Variants in SHISA6 observed in about 807,000 individuals in gnomAD.
The protein encoded by SHISA6 is protein shisa-6.
A neutral mutation model predicts 47.9 loss-of-function variants in SHISA6; 22 were observed. That is an observed-to-expected ratio of 0.46 (90% CI 0.33 to 0.66). The LOEUF (loss-of-function observed/expected upper bound fraction) is 0.66. SHISA6 is among the 30% of genes least tolerant of loss of function. The pLI, the probability that SHISA6 is intolerant of heterozygous loss-of-function variation, is 0.02. For missense variants in SHISA6, 680 were observed against 764.6 expected (o/e 0.89, Z 1.30); for synonymous variants, 388 against 337.8 (o/e 1.15, Z -1.63).
At chr17:11,257,677 A>G (rs1908070060) in intron 1 of SHISA6, among the ~76,000 whole-genome samples, 3 of 151,346 alleles carry the variant, frequency 2.0e-5, no homozygotes, top group Admixed American at 1.3e-4. Flanking sequence ...AAAAAAGAAA[A>G]AAAGAAAAGA....
intron 2 of SHISA6, among the ~76,000 whole-genome samples, chr17:11,303,751 A>G (rs1910008973): frequency 6.6e-6 from 1 of 152,192 alleles, no homozygotes; most frequent in African/African-American, 2.4e-5. Context: ...TCTGCCCTCA[A>G]TACCTGCAGC....
At chr17:11,277,276 T>TCA (rs1244934721) in intron 2 of SHISA6, among the ~76,000 whole-genome samples, 42 of 62,694 alleles carry the variant, frequency 6.7e-4, no homozygotes, top group African/African-American at 1.9e-3. Flanking sequence ...TCTCTCTCTC[T>TCA]CTCTCACACA....
At chr17:11,389,734 G>A (rs1443088810) in intron 3 of SHISA6, among the ~76,000 whole-genome samples, 1 of 152,102 alleles carries the variant, frequency 6.6e-6, no homozygotes, top group East Asian at 1.9e-4. Context: ...ATGACCCTTG[G>A]GCTAGTACAA....
intron 3 of SHISA6, among the ~76,000 whole-genome samples, chr17:11,437,300 G>T (rs181142863): frequency 6.6e-6 from 1 of 152,218 alleles, no homozygotes; most frequent in East Asian, 1.9e-4. Context: ...CTTTGGATGA[G>T]GACTGAGAGG....
chr17:11,366,174 A>G (rs1303295340), intron 2 of SHISA6, among the ~76,000 whole-genome samples: 1 of 152,142 alleles, frequency 6.6e-6, no homozygotes, highest in Non-Finnish European at 1.5e-5. Context: ...TTGAGACAAG[A>G]TCTCATTCTG....
chr17:11,456,931 C>T (rs1032167737), intron 3 of SHISA6, among the ~76,000 whole-genome samples: 8 of 152,198 alleles, frequency 5.3e-5, no homozygotes, highest in African/African-American at 1.9e-4. Context: ...GGGTCCTCAG[C>T]TCCTGTAGGC....
intron 2 of SHISA6, among the ~76,000 whole-genome samples, chr17:11,370,762 A>G (rs898887897): frequency 3.3e-5 from 5 of 152,256 alleles, no homozygotes; most frequent in Non-Finnish European, 4.4e-5. Context: ...TGAGAATGCC[A>G]CTACTCACCC....
intron 3 of SHISA6, among the ~76,000 whole-genome samples, chr17:11,491,574 G>T (rs2142338467): frequency 6.6e-6 from 1 of 152,138 alleles, no homozygotes; most frequent in South Asian, 2.1e-4. Context: ...AAGCATCTGT[G>T]GAAAGAATTT....
At chr17:11,276,730 T>C (rs1337890570) in intron 2 of SHISA6, among the ~76,000 whole-genome samples, 2 of 151,964 alleles carry the variant, frequency 1.3e-5, no homozygotes, top group South Asian at 2.1e-4. Context: ...TCACCACTGC[T>C]GTCAACACCA....
chr17:11,441,161 C>T (rs930430044), intron 3 of SHISA6, among the ~76,000 whole-genome samples: 1 of 152,194 alleles, frequency 6.6e-6, no homozygotes. Context: ...CTTCTGCTGT[C>T]AGGAAGCCAG....
intron 2 of SHISA6, among the ~76,000 whole-genome samples, chr17:11,352,654 C>T (rs747132911): frequency 2.6e-4 from 40 of 152,050 alleles, no homozygotes; most frequent in Admixed American, 1.2e-3. Context: ...AACGTTCCAG[C>T]GATGAAGGCA....
chr17:11,376,966 C>G (rs192784924), intron 2 of SHISA6, among the ~76,000 whole-genome samples: 39 of 152,322 alleles, frequency 2.6e-4, no homozygotes, highest in African/African-American at 8.2e-4. Flanking sequence ...AAAGCTGAAA[C>G]TGTCATTGTG....
At chr17:11,345,041 T>C (rs1469736665) in intron 2 of SHISA6, among the ~76,000 whole-genome samples, 2 of 152,206 alleles carry the variant, frequency 1.3e-5, no homozygotes, top group African/African-American at 4.8e-5. Context: ...TATTTAGTTT[T>C]CTGACCTGCG....
At chr17:11,428,163 C>G (rs1418557613) in intron 3 of SHISA6, among the ~76,000 whole-genome samples, 1 of 152,206 alleles carries the variant, frequency 6.6e-6, no homozygotes, top group East Asian at 1.9e-4. Flanking sequence ...CACAGCAACG[C>G]TGAACACAGA....
At chr17:11,264,596 A>T (rs114709488) in intron 2 of SHISA6, among the ~76,000 whole-genome samples, 1,606 of 152,280 alleles carry the variant, frequency 0.011, 30 homozygotes, top group African/African-American at 0.037. Flanking sequence ...TTTTACTTTG[A>T]TGCTTGGATC....
At chr17:11,450,722 A>G (rs77374302) in intron 3 of SHISA6, among the ~76,000 whole-genome samples, 2,233 of 152,144 alleles carry the variant, frequency 0.015, 46 homozygotes, top group African/African-American at 0.05. Context: ...AATCAGAGTA[A>G]TCCAAGAGAG....
At chr17:11,355,477 G>A (rs1597473050) in intron 2 of SHISA6, among the ~76,000 whole-genome samples, 1 of 152,196 alleles carries the variant, frequency 6.6e-6, no homozygotes, top group African/African-American at 2.4e-5. Context: ...AATGAAGGAT[G>A]TGGTTTCTAG....
chr17:11,509,755 T>C (rs2071528180), intron 3 of SHISA6, among the ~76,000 whole-genome samples: 1 of 152,132 alleles, frequency 6.6e-6, no homozygotes, highest in African/African-American at 2.4e-5. Context: ...AGTGTCCCAC[T>C]CTGGGATAGA....
chr17:11,262,339 T>C (rs1183798520), intron 1 of SHISA6, among the ~76,000 whole-genome samples: 1 of 152,106 alleles, frequency 6.6e-6, no homozygotes, highest in Non-Finnish European at 1.5e-5. Context: ...GATGGAATAG[T>C]CTTTGCCTGG....
Sources: allele counts gnomAD v4.1 joint callset (sites outside exome capture counted in the v4.1 genomes callset), GRCh38; gene constraint gnomAD v4.1.1; transcripts MANE v1.5; gene names NCBI Gene and HGNC (gene_info 2026-07-23, HGNC 2026-07-21).